Variants in ZNF562 observed in about 807,000 individuals in gnomAD.
ZNF562 encodes the protein zinc finger protein 562.
Under a neutral mutation model 17.5 loss-of-function variants are expected in ZNF562, and 13 were observed. That is an observed-to-expected ratio of 0.74 (90% CI 0.48 to 1.18). The LOEUF (loss-of-function observed/expected upper bound fraction) is 1.18, where lower values mean the gene tolerates loss of function less well. Among genes scored for constraint, ZNF562 ranks in the 50% most tolerant of loss-of-function variants. ZNF562 has a pLI of 0.00. For missense variants in ZNF562, 481 were observed against 498.5 expected, an observed-to-expected ratio of 0.96 and a Z score of 0.33; for synonymous variants, 163 against 165.4, an observed-to-expected ratio of 0.99 and a Z score of 0.11.
rs1030074242 is a variant in ZNF562, at chr19:9,643,374, A to G, written c.*9575T>C. The G allele has an allele frequency of 1.4e-5, 2 of 139,652 alleles. No individual in the cohort carries two copies. Among genetic ancestry groups the G allele is most frequent in the Non-Finnish European group, 3.0e-5 (2 of 67,156 alleles). The allele number at this position is 139,652 out of a possible 1,614,324, so 8.7% of individuals were successfully genotyped here. A position where few individuals can be genotyped will look rare whatever the true frequency, so the allele number is the denominator to read the frequency against. Reference sequence around the variant, plus strand: ...GTCATTCATAAATAAATAAGTTTAGAAAAAAAAAATGTGTCTGAAAGGGTC... The same window carrying G: ...GTCATTCATAAATAAATAAGTTTAGGAAAAAAAAATGTGTCTGAAAGGGTC... On this transcript the variant is annotated 3_prime_UTR_variant, in exon 6 of 6. Transcript: ENST00000453372.
rs2074843964 is a variant in ZNF562 at position 9,649,906 on chromosome 19, C to A, written c.*3043G>T. The A allele has an allele frequency of 6.6e-6, 1 of 152,106 alleles. No homozygotes were observed. The highest frequency in any genetic ancestry group is 2.4e-5 in the African/African-American group (1 of 41,424). 9.4% of individuals were successfully genotyped at this position (152,106 alleles called of 1,614,324 possible). Reference sequence around the variant, plus strand: ...CTGGTTTTTGCGGCTTGTGGGGCATCACGGAACCTACCGACATGTGATGTC... The same window carrying A: ...CTGGTTTTTGCGGCTTGTGGGGCATAACGGAACCTACCGACATGTGATGTC... On this transcript the variant is annotated 3_prime_UTR_variant, in exon 6 of 6. Transcript: ENST00000453372.
chr19:9,669,730 G>GCACACACACACACA (rs1385183876), intron 1 of ZNF562, among the ~76,000 whole-genome samples: 22 of 86,950 alleles, frequency 2.5e-4, no homozygotes, highest in Admixed American at 7.3e-4. Flanking sequence ...GCGCGCGCGC[G>GCACACACACACACA]CGCGCACACA....
At chr19:9,662,093 C>T (rs2043770250) in intron 1 of ZNF562, among the ~76,000 whole-genome samples, 1 of 152,120 alleles carries the variant, frequency 6.6e-6, no homozygotes. Context: ...AAAAAACCTA[C>T]ATTCAAATAA....
chr19:9,653,397 T>A lies in ZNF562; in HGVS notation c.833A>T (p.His278Leu). The A allele has an allele frequency of 6.2e-7, 1 of 1,614,226 alleles. No individual in the cohort carries two copies. The highest frequency in any genetic ancestry group is 8.5e-7 in the Non-Finnish European group (1 of 1,180,038). ...SFTNFSQLSA[H>L]AKTHKGEKSF... ...CTTCTCTCCTTTATGAGTTTTTGCA[T>A]GTGCAGAAAGTTGAGAAAAATTAGT... is the stretch of plus-strand genomic sequence containing the variant. Residue 278 changes from histidine to leucine, a missense_variant, in exon 6 of 6, where the codon CAT becomes CTT. Around this residue, in one of 2 missense-constraint regions of ZNF562, gnomAD observed 403 missense variants for 386.4 expected, o/e 1.04. Transcript: ENST00000453372.
At position 9,642,913 on chromosome 19, in the gene ZNF562, A is replaced by G. The variant is rs2074781998; in HGVS notation, c.*10036T>C. The G allele has an allele frequency of 6.6e-6, 1 of 151,912 alleles. No individual in the cohort carries two copies. The highest frequency in any genetic ancestry group is 1.5e-5 in the Non-Finnish European group (1 of 68,028). The allele number at this position is 151,912 out of a possible 1,614,324, so 9.4% of individuals were successfully genotyped here. A position where few individuals can be genotyped will look rare whatever the true frequency, so the allele number is the denominator to read the frequency against. On this transcript the variant is annotated 3_prime_UTR_variant, in exon 6 of 6. Coordinates refer to ENST00000453372, the MANE Select transcript of ZNF562 (RefSeq NM_001130031.2). ...AAAAATTAGCCGGGCCTGGTGGTAC[A>G]TGCCTGCATTCCCAGCTACTCAGAA...
rs747172584 is a variant in ZNF562 at position 9,653,035 on chromosome 19, G to C, written c.1195C>G (p.Pro399Ala). 31 of 1,586,762 alleles carry C rather than the reference G, an allele frequency of 2.0e-5. No homozygotes were observed. The highest frequency in any genetic ancestry group is 2.4e-5 in the Non-Finnish European group (28 of 1,167,790). Residue 399 changes from proline (P) to alanine (A), a missense_variant, in exon 6 of 6, where the codon CCT (proline) becomes GCT (alanine). Physicochemically the swap from Pro to Ala is conservative, Grantham distance 27. Transcript: ENST00000453372. ...TTCCCACATTCAACACATTCATAAG[G>C]CTTCTCTCCTGTGTGAATTCTTCTA... ...QHRRIHTGEK[P>A]YECVECGKTF...
intron 4 of ZNF562, among the ~76,000 whole-genome samples, chr19:9,656,871 AAT>A (rs142526474): frequency 4.1e-4 from 59 of 142,338 alleles, no homozygotes; most frequent in South Asian, 4.4e-4. Flanking sequence ...AAAATACAAA[AAT>A]ATATATATAT....
At chr19:9,665,560 A>G (rs1469608850) in intron 1 of ZNF562, among the ~76,000 whole-genome samples, 2 of 152,174 alleles carry the variant, frequency 1.3e-5, no homozygotes, top group Non-Finnish European at 2.9e-5. Context: ...TGGGAGCAGC[A>G]TACTGTAGGG....
In ZNF562 at chr19:9,653,582, A is replaced by G. The variant is rs2074911905; in HGVS notation, c.648T>C (p.Phe216=). ...CKECGKGFKY[F]ASLDNHMGIH... is the part of the protein sequence containing the mutation. ...TTCCCATGTGATTATCAAGGCTTGC[A>G]AAATACTTAAAGCCTTTTCCACATT... Residue 216 remains phenylalanine (F), a synonymous_variant, in exon 6 of 6, where the codon TTT becomes TTC. Transcript: ENST00000453372. 1 of 1,614,158 alleles carries G rather than the reference A, an allele frequency of 6.2e-7. No homozygotes were observed.
chr19:9,658,217 A>T, intron 3 of ZNF562, 82 bp from the exon 4 acceptor site: 12 of 1,496,572 alleles, frequency 8.0e-6, no homozygotes, highest in Non-Finnish European at 1.1e-5. Context: ...GGGGAACCTT[A>T]TACTCACTTA....
intron 1 of ZNF562, 103 bp from the exon 2 acceptor site, chr19:9,660,977 C>CTGTA: frequency 2.4e-6 from 1 of 417,740 alleles, no homozygotes; most frequent in Non-Finnish European, 4.3e-6. Context: ...CCACCAAAAA[C>CTGTA]TGTATACTCA....
chr19:9,656,810 G>A (rs866921682), intron 4 of ZNF562, among the ~76,000 whole-genome samples, 157 bp from the exon 5 acceptor site: 1 of 151,296 alleles, frequency 6.6e-6, no homozygotes, highest in Middle Eastern at 3.5e-3. Context: ...GGATCACGAG[G>A]TCAGGAGATC....
intron 1 of ZNF562, among the ~76,000 whole-genome samples, chr19:9,668,961 A>G (rs567419760): frequency 2.0e-5 from 3 of 151,730 alleles, no homozygotes; most frequent in African/African-American, 4.8e-5. Flanking sequence ...AAAAAAAAAA[A>G]GTCAAAACAG....
intron 1 of ZNF562, among the ~76,000 whole-genome samples, chr19:9,671,721 T>C (rs1407326003): frequency 1.6e-4 from 24 of 152,254 alleles, no homozygotes; most frequent in Non-Finnish European, 3.4e-4. Context: ...TGGCATGTTA[T>C]TTATTGGAAG....
intron 1 of ZNF562, among the ~76,000 whole-genome samples, chr19:9,669,717 A>AGCGCGCGCGCGAGC (rs2044083813): frequency 1.0e-5 from 1 of 98,942 alleles, no homozygotes; most frequent in Non-Finnish European, 2.2e-5. Flanking sequence ...CACGCGCGCG[A>AGCGCGCGCGCGAGC]GCGCGCGCGC....
intron 1 of ZNF562, among the ~76,000 whole-genome samples, chr19:9,665,922 T>C (rs2043938868): frequency 6.6e-6 from 1 of 151,492 alleles, no homozygotes. Flanking sequence ...GGTGGGAGGA[T>C]TGCTTCAGCA....
In ZNF562 at chr19:9,658,070, T is replaced by C. The variant is rs566877595; in HGVS notation, c.180A>G (p.Thr60=). Reference sequence around the variant, plus strand: ...CATCTCTGTAGAGGTATTTCTGAGTTGTGTCCAGTAAAGCCCACTCCTCTG... The same window carrying C: ...CATCTCTGTAGAGGTATTTCTGAGTCGTGTCCAGTAAAGCCCACTCCTCTG... The part of the protein sequence containing the change: ...FTPEEWALLD[T]TQKYLYRDVM... Residue 60 remains threonine, a synonymous_variant, in exon 4 of 6, where the codon ACA becomes ACG. Coordinates refer to ENST00000453372, the MANE Select transcript of ZNF562 (RefSeq NM_001130031.2). 3.1e-6 allele frequency: 5 copies of C among 1,614,030 alleles called. No individual in the cohort carries two copies. The East Asian group carries it at 1.1e-4, about 36-fold the overall frequency.
chr19:9,660,088 C>CAAAAA (rs1175978470), intron 2 of ZNF562, among the ~76,000 whole-genome samples: 2 of 48,276 alleles, frequency 4.1e-5, no homozygotes, highest in Admixed American at 2.5e-4. Context: ...GACTCCATCT[C>CAAAAA]AAAAAAAAAA....
At position 9,653,717 on chromosome 19, in the gene ZNF562, A is replaced by C; in HGVS notation, c.513T>G (p.Ile171Met). Residue 171 changes from isoleucine (I) to methionine (M), a missense_variant, in exon 6 of 6, where the codon ATT (isoleucine) becomes ATG (methionine). Physicochemically the swap from Ile to Met is conservative, Grantham distance 10 (BLOSUM62 1). Coordinates refer to ENST00000453372, the MANE Select transcript of ZNF562 (RefSeq NM_001130031.2). Reference protein sequence around the residue: ...DSISVHKEASIGQELSKFNPC... With the variant: ...DSISVHKEASMGQELSKFNPC... The stretch of plus-strand genomic sequence containing the variant: ...GATTAAATTTGGAAAGTTCTTGTCC[A>C]ATAGAGGCTTCCTTGTGCACACTGA... 1.9e-6 allele frequency: 3 copies of C among 1,614,122 alleles called. No homozygotes were observed. The highest frequency in any genetic ancestry group is 2.5e-6 in the Non-Finnish European group (3 of 1,179,966).
Sources: allele counts gnomAD v4.1 joint callset (sites outside exome capture counted in the v4.1 genomes callset), GRCh38; gene constraint gnomAD v4.1.1; regional missense constraint gnomAD v4.1.1; transcripts MANE v1.5; gene names NCBI Gene and HGNC (gene_info 2026-07-23, HGNC 2026-07-21).